The following SLC3A1 variants were observed in gnomAD, a reference collection of about 807,000 sequenced individuals.
SLC3A1 encodes the protein solute carrier family 3 member 1.
Under a neutral mutation model 60.3 loss-of-function variants are expected in SLC3A1, and 78 were observed. The ratio of observed to expected loss-of-function variants is 1.29; its 90% CI spans 1.08 to 1.56. SLC3A1 has a LOEUF of 1.56. Ranked by LOEUF, SLC3A1 falls within the 40% of genes most tolerant of loss-of-function variation. SLC3A1 has a pLI of 0.00. For missense variants in SLC3A1, 1,172 were observed against 858.9 expected (o/e 1.36, Z -4.56); for synonymous variants, 392 against 307.9 (o/e 1.27, Z -2.86).
At chr2:44,317,359 G>A (rs916919678) in intron 9 of SLC3A1, among the ~76,000 whole-genome samples, 1 of 151,938 alleles carries the variant, frequency 6.6e-6, no homozygotes, top group Non-Finnish European at 1.5e-5. Flanking sequence ...CTACTCAGGA[G>A]GCTGAGGTGG....
At chr2:44,312,311 A>T (rs933311266) in intron 7 of SLC3A1, among the ~76,000 whole-genome samples, 2 of 152,184 alleles carry the variant, frequency 1.3e-5, no homozygotes, top group Non-Finnish European at 2.9e-5. Context: ...CTCTTATCCA[A>T]ATATGAGAAA....
chr2:44,275,680 A>G lies in SLC3A1; in HGVS notation c.145A>G (p.Arg49Gly). ...SSTDNLKHST[R>G]GILGSQEPDF... ...AACAGACAACCTGAAGCACAGCACC[A>G]GGGGCATCCTTGGCTCCCAGGAGCC... Residue 49 changes from arginine to glycine, a missense_variant, in exon 1 of 10, where the codon AGG becomes GGG. Coordinates refer to ENST00000260649, the MANE Select transcript of SLC3A1 (RefSeq NM_000341.4). 2 of 1,614,158 alleles carry G rather than the reference A, an allele frequency of 1.2e-6. No individual in the cohort carries two copies. Among genetic ancestry groups the G allele is most frequent in the South Asian group, 1.1e-5 (1 of 91,076 alleles).
intron 4 of SLC3A1, among the ~76,000 whole-genome samples, chr2:44,288,324 C>T (rs945971624): frequency 6.6e-6 from 1 of 152,140 alleles, no homozygotes; most frequent in Non-Finnish European, 1.5e-5. Context: ...CTGCACCTGG[C>T]CTAATTTCAG....
intron 6 of SLC3A1, 37 bp from the exon 7 acceptor site, chr2:44,304,106 A>G (rs1377689839): frequency 6.4e-7 from 1 of 1,554,840 alleles, no homozygotes; most frequent in Non-Finnish European, 8.9e-7. Flanking sequence ...GTCTTCTGAC[A>G]GGCCCCGATG....
intron 7 of SLC3A1, among the ~76,000 whole-genome samples, chr2:44,306,016 T>A (rs1181089002): frequency 6.6e-6 from 1 of 152,220 alleles, no homozygotes; most frequent in African/African-American, 2.4e-5. Flanking sequence ...AGAGGCAGGT[T>A]CCCAGCATCC....
chr2:44,277,103 C>CTTTTTTT (rs1222833364), intron 1 of SLC3A1, among the ~76,000 whole-genome samples: 25 of 94,816 alleles, frequency 2.6e-4, no homozygotes, highest in East Asian at 5.8e-4. Flanking sequence ...TCTCTCTCTT[C>CTTTTTTT]TTTTTTTTTT....
intron 9 of SLC3A1, among the ~76,000 whole-genome samples, chr2:44,315,813 G>A (rs1572818505): frequency 7.0e-6 from 1 of 142,942 alleles, no homozygotes; most frequent in African/African-American, 2.5e-5. Flanking sequence ...AGAACTGTTT[G>A]GTGATCACAT....
intron 4 of SLC3A1, among the ~76,000 whole-genome samples, chr2:44,292,122 C>T (rs1671752864): frequency 6.6e-6 from 1 of 152,070 alleles, no homozygotes; most frequent in Non-Finnish European, 1.5e-5. Context: ...AGCAGCATGG[C>T]AAGGAAGAGA....
chr2:44,310,034 T>C (rs547432672), intron 7 of SLC3A1, among the ~76,000 whole-genome samples: 21 of 152,224 alleles, frequency 1.4e-4, no homozygotes, highest in South Asian at 6.2e-4. Context: ...GCTGGGACTA[T>C]AGGTGCATAC....
At chr2:44,289,457 T>G (rs1411288135) in intron 4 of SLC3A1, among the ~76,000 whole-genome samples, 1 of 151,594 alleles carries the variant, frequency 6.6e-6, no homozygotes, top group Non-Finnish European at 1.5e-5. Context: ...GCAATCCTCC[T>G]GCCTCAGCCT....
chr2:44,290,453 A>C (rs1671716653), intron 4 of SLC3A1, among the ~76,000 whole-genome samples: 1 of 152,172 alleles, frequency 6.6e-6, no homozygotes, highest in Non-Finnish European at 1.5e-5. Flanking sequence ...CAGCTTGACA[A>C]TGTTTGCAAA....
intron 7 of SLC3A1, among the ~76,000 whole-genome samples, chr2:44,304,853 C>A (rs1672114207): frequency 8.0e-6 from 1 of 125,374 alleles, no homozygotes; most frequent in East Asian, 2.3e-4. Flanking sequence ...GACAGGGGCT[C>A]ACTCTGCACC....
chr2:44,307,564 AT>A (rs34665826), intron 7 of SLC3A1, among the ~76,000 whole-genome samples: 76,623 of 129,486 alleles, frequency 0.59, 21,187 homozygotes, highest in Middle Eastern at 0.63. Context: ...ATCTCATTGC[AT>A]TTTTTTTTTT....
Position 44,275,553 on chromosome 2 carries a change from C to G in SLC3A1, c.18C>G (p.Ser6Arg), listed in dbSNP as rs1330963840. The change falls in exon 1 of 10, where the codon AGC (serine) becomes AGG (arginine). Residue 6 changes from serine (S) to arginine (R), a missense_variant. Ser to Arg is a moderately radical substitution (Grantham distance 110). Coordinates refer to ENST00000260649, the MANE Select transcript of SLC3A1 (RefSeq NM_000341.4). ...GGTGAGACATGGCTGAAGATAAAAGCAAGAGAGACTCCATCGAGATGAGTA... is the reference window on the plus strand; with the variant it reads ...GGTGAGACATGGCTGAAGATAAAAGGAAGAGAGACTCCATCGAGATGAGTA... MAEDK[S>R]KRDSIEMSMK... The G allele has an allele frequency of 1.2e-6, 2 of 1,613,938 alleles. No individual in the cohort carries two copies. The highest frequency in any genetic ancestry group is 1.7e-6 in the Non-Finnish European group (2 of 1,180,010).
At chr2:44,278,723 A>G (rs926576959) in intron 1 of SLC3A1, among the ~76,000 whole-genome samples, 5 of 152,040 alleles carry the variant, frequency 3.3e-5, no homozygotes, top group Non-Finnish European at 7.4e-5. Context: ...ATTATCCTAC[A>G]AAGTTCTAAA....
chr2:44,284,869 C>G (rs889813291), intron 3 of SLC3A1, among the ~76,000 whole-genome samples: 73 of 152,270 alleles, frequency 4.8e-4, no homozygotes, highest in African/African-American at 1.7e-3. Flanking sequence ...CCAGCCCAGA[C>G]TTAAAACAAT....
chr2:44,276,757 TG>T (rs1671353208), intron 1 of SLC3A1, among the ~76,000 whole-genome samples: 1 of 151,648 alleles, frequency 6.6e-6, no homozygotes, highest in Non-Finnish European at 1.5e-5. Context: ...AATTTCTTGG[TG>T]GGTTATGTGT....
At chr2:44,286,386 C>T (rs566543965) in intron 4 of SLC3A1, among the ~76,000 whole-genome samples, 1 of 152,210 alleles carries the variant, frequency 6.6e-6, no homozygotes, top group Non-Finnish European at 1.5e-5. Flanking sequence ...GACTCTCAGA[C>T]ATGTCTGTGA....
intron 3 of SLC3A1, among the ~76,000 whole-genome samples, chr2:44,283,004 C>T (rs1223767985): frequency 6.6e-6 from 1 of 152,016 alleles, no homozygotes. Flanking sequence ...GATCTGAATT[C>T]AGATGTAACT....
Sources: allele counts gnomAD v4.1 joint callset (sites outside exome capture counted in the v4.1 genomes callset), GRCh38; gene constraint gnomAD v4.1.1; transcripts MANE v1.5; gene names NCBI Gene and HGNC (gene_info 2026-07-23, HGNC 2026-07-21).